SGSM2: variants seen among roughly 807,000 people sequenced by gnomAD.
SGSM2 encodes small G protein signaling modulator 2.
A neutral mutation model predicts 126.6 loss-of-function variants in SGSM2; 89 were observed. The observed-to-expected ratio is 0.70, with a 90% confidence interval of 0.59 to 0.84. The LOEUF is 0.84. Among genes scored for constraint, SGSM2 ranks in the 40% least tolerant of loss-of-function variants. The pLI is 0.00. For synonymous variants in SGSM2, 614 were observed against 574.3 expected (o/e 1.07, Z -0.99); for missense variants, 1,404 against 1,416.6 (o/e 0.99, Z 0.14).
In SGSM2 at chr17:2,380,618, G is replaced by A. The variant is rs1597406702; in HGVS notation, c.*1098G>A. On this transcript the variant is annotated 3_prime_UTR_variant, in exon 24 of 24. Coordinates refer to ENST00000268989, the MANE Select transcript of SGSM2 (RefSeq NM_014853.3). ...ATGCGGGGGTGCCAGGAAGGGCATA[G>A]CTCCTGCCCCCAGGCCTAGGCATGC... 8.9e-6 allele frequency: 4 copies of A among 448,938 alleles called. No homozygotes were observed. The highest frequency in any genetic ancestry group is 6.8e-5 in the South Asian group (3 of 44,422). The allele number at this position is 448,938 out of a possible 1,614,324, so 27.8% of individuals were successfully genotyped here. A position where few individuals can be genotyped will look rare whatever the true frequency, so the allele number is the denominator to read the frequency against.
intron 2 of SGSM2, among the ~76,000 whole-genome samples, chr17:2,359,027 C>T (rs1435394133): frequency 1.3e-5 from 2 of 151,918 alleles, no homozygotes; most frequent in Non-Finnish European, 2.9e-5. Flanking sequence ...TCAGGTGCCC[C>T]CTACCACGCC....
At chr17:2,364,814 C>G in intron 9 of SGSM2, 83 bp from the exon 10 acceptor site, 1 of 1,579,890 alleles carries the variant, frequency 6.3e-7, no homozygotes, top group Non-Finnish European at 8.6e-7. Flanking sequence ...CCATCTGCCT[C>G]CTACCCAGCC....
chr17:2,378,659 C>T (rs558249005), intron 22 of SGSM2, among the ~76,000 whole-genome samples: 43 of 152,278 alleles, frequency 2.8e-4, no homozygotes, highest in African/African-American at 9.4e-4. Flanking sequence ...TTTTTTCAAA[C>T]CAAAGCATTC....
chr17:2,373,683 G>C (rs1051473909), intron 17 of SGSM2, 170 bp downstream of exon 17: 1 of 612,866 alleles, frequency 1.6e-6, no homozygotes, highest in Non-Finnish European at 2.9e-6. Context: ...CTGTGCCTCT[G>C]CTGCCTACTT....
At chr17:2,338,901 A>G (rs939076895) in intron 1 of SGSM2, among the ~76,000 whole-genome samples, 1 of 151,578 alleles carries the variant, frequency 6.6e-6, no homozygotes, top group Non-Finnish European at 1.5e-5. Context: ...TCTACTAAAA[A>G]TACCAAAATA....
In SGSM2 at chr17:2,350,038, C is replaced by T. The variant is rs370924450; in HGVS notation, c.133+6418C>T. ...TCCTGACCTCGTGATCCGCCCACCT[C>T]GGCCTCCCAAAGTGCTGGGATTACA... On this transcript the variant is annotated intron_variant, in intron 2 of 23. Coordinates refer to ENST00000268989, the MANE Select transcript of SGSM2 (RefSeq NM_014853.3). Among the ~76,000 whole-genome samples the T allele has an allele frequency of 1.2e-4, 18 of 152,036 alleles. No homozygotes were observed. The South Asian group carries it at 2.5e-3, about 21-fold the overall frequency.
intron 2 of SGSM2, among the ~76,000 whole-genome samples, chr17:2,350,532 C>T (rs1051590981): frequency 6.6e-6 from 1 of 151,790 alleles, no homozygotes; most frequent in African/African-American, 2.4e-5. Flanking sequence ...ATCGCTTGAA[C>T]CCAGGTGGTG....
At chr17:2,348,591 A>G (rs72824333) in intron 2 of SGSM2, among the ~76,000 whole-genome samples, 18,012 of 151,918 alleles carry the variant, frequency 0.12, 1,566 homozygotes, top group East Asian at 0.45. Context: ...GGTCACACAG[A>G]CCTGGGTTCA....
intron 1 of SGSM2, among the ~76,000 whole-genome samples, chr17:2,339,841 C>G (rs1369533596): frequency 6.6e-6 from 1 of 152,132 alleles, no homozygotes; most frequent in Non-Finnish European, 1.5e-5. Context: ...ATCAGCTTTC[C>G]CGCTTGTGGG....
At chr17:2,349,685 G>T (rs2064762229) in intron 2 of SGSM2, among the ~76,000 whole-genome samples, 1 of 152,108 alleles carries the variant, frequency 6.6e-6, no homozygotes, top group Non-Finnish European at 1.5e-5. Context: ...AAGCAAGATG[G>T]TCGTGACTTG....
Position 2,363,604 on chromosome 17 carries a change from G to A in SGSM2, c.807+5G>A. ...AACCACGTGCTGGTGCAGCCGGTAG[G>A]AAAGCTTCATCCTGCCATCCCTCCC... On this transcript the variant is annotated splice_donor_5th_base_variant and intron_variant, in intron 7 of 23. Coordinates refer to ENST00000268989, the MANE Select transcript of SGSM2 (RefSeq NM_014853.3). This position sits in a 1 kb window ranked among gnomAD's most constrained non-coding sequence, Gnocchi z 4.2. The A allele has an allele frequency of 1.9e-6, 3 of 1,612,444 alleles. No individual in the cohort carries two copies. The highest frequency in any genetic ancestry group is 1.7e-6 in the Non-Finnish European group (2 of 1,179,148).
chr17:2,375,674 C>G lies in SGSM2; in HGVS notation c.2283C>G (p.Ala761=), dbSNP rs1408041857. The G allele has an allele frequency of 1.2e-6, 2 of 1,613,844 alleles. No individual in the cohort carries two copies. The highest frequency in any genetic ancestry group is 3.3e-5 in the Admixed American group (2 of 60,000). Residue 761 remains alanine, a synonymous_variant, in exon 18 of 24, where the codon GCC becomes GCG. Coordinates refer to ENST00000268989, the MANE Select transcript of SGSM2 (RefSeq NM_014853.3). ...CCTCCTCTCGCAATTACTCCGTGGC[C>G]TCGGGCATCCAGTCAAGCCTAGATG... ...GLPSSRNYSV[A]SGIQSSLDEG... is the part of the protein sequence containing the mutation.
At chr17:2,368,819 G>T (rs1171661699) in intron 12 of SGSM2, among the ~76,000 whole-genome samples, 2 of 152,236 alleles carry the variant, frequency 1.3e-5, no homozygotes, top group Non-Finnish European at 2.9e-5. Flanking sequence ...ACTGAGCAGT[G>T]TGGGAAGGTT....
chr17:2,376,561 G>T (rs897897137), intron 19 of SGSM2, 172 bp from the exon 20 acceptor site: 4 of 765,664 alleles, frequency 5.2e-6, no homozygotes, highest in Admixed American at 4.7e-5. Context: ...CCTTGGGGGG[G>T]ACCCGTGGGT....
At position 2,379,394 on chromosome 17, in the gene SGSM2, C is replaced by A. The variant is rs377218028; in HGVS notation, c.3068-38C>A. 72 of 1,589,924 alleles carry A rather than the reference C, an allele frequency of 4.5e-5. No homozygotes were observed. The African/African-American group carries it at 8.2e-4, about 18-fold the overall frequency. Reference sequence around the variant, plus strand: ...GCCACCTCCTAGCCTGCTGCCCTTTCTCTGGGCCTCTCTACAGCTCTTCAC... The same window carrying A: ...GCCACCTCCTAGCCTGCTGCCCTTTATCTGGGCCTCTCTACAGCTCTTCAC... On this transcript the variant is annotated intron_variant, in intron 23 of 23. Coordinates refer to ENST00000268989, the MANE Select transcript of SGSM2 (RefSeq NM_014853.3).
intron 16 of SGSM2, 28 bp from the exon 17 acceptor site, chr17:2,373,303 C>T (rs1310178905): frequency 6.3e-7 from 1 of 1,599,192 alleles, no homozygotes; most frequent in Non-Finnish European, 8.5e-7. Flanking sequence ...CACGCTTCCC[C>T]CATGGTCGTG....
At chr17:2,370,930 C>T (rs1174089584) in intron 12 of SGSM2, among the ~76,000 whole-genome samples, 1 of 152,258 alleles carries the variant, frequency 6.6e-6, no homozygotes, top group Admixed American at 6.5e-5. Flanking sequence ...TGTTCCTTCT[C>T]TTTCTTTCCC....
chr17:2,376,014 T>TC, intron 18 of SGSM2, 123 bp from the exon 19 acceptor site: 14 of 1,525,050 alleles, frequency 9.2e-6, no homozygotes, highest in Non-Finnish European at 1.2e-5. Context: ...TTTCTCAGCA[T>TC]CCCCACAGGA....
chr17:2,372,195 C>T lies in SGSM2; in HGVS notation c.1583C>T (p.Pro528Leu), dbSNP rs745821026. 65 of 1,613,192 alleles carry T rather than the reference C, an allele frequency of 4.0e-5. No homozygotes were observed. The highest frequency in any genetic ancestry group is 6.7e-5 in the East Asian group (3 of 44,870). The stretch of plus-strand genomic sequence containing the variant: ...GAGCCCGGTTGTTGCCACAGGTTGC[C>T]GCTCAGGCTACTGTGTGAGAGTATG... ...SHCSCIPDRL[P>L]LRLLCESMKR... Residue 528 changes from proline (P) to leucine (L), a missense_variant, in exon 14 of 24, where the codon CCG becomes CTG. Transcript: ENST00000268989. The surrounding 1 kb of genome is among the most constrained non-coding windows in gnomAD (Gnocchi z 6.0).
Sources: allele counts gnomAD v4.1 joint callset (sites outside exome capture counted in the v4.1 genomes callset), GRCh38; gene constraint gnomAD v4.1.1; non-coding constraint Gnocchi (gnomAD v3.1); transcripts MANE v1.5; gene names NCBI Gene and HGNC (gene_info 2026-07-23, HGNC 2026-07-21).